The following JMJD8 variants were observed in gnomAD, a reference collection of about 807,000 sequenced individuals.
JMJD8 encodes the protein jumonji domain containing 8, also known as jmjC domain-containing protein 8.
In JMJD8, 56 loss-of-function variants were observed where a neutral mutation model predicts 37.6. The observed-to-expected ratio is 1.49, with a 90% CI of 1.20 to 1.86. JMJD8 has a LOEUF of 1.86. Among genes scored for constraint, JMJD8 ranks in the 40% most tolerant of loss-of-function variants. JMJD8 has a pLI of 0.00. For missense variants in JMJD8, 542 were observed against 362.7 expected (o/e 1.49, Z -4.01); for synonymous variants, 261 against 163.7 (o/e 1.59, Z -4.54).
At position 682,404 on chromosome 16, in the gene JMJD8, C is replaced by T. The variant is rs760147998; in HGVS notation, c.*390G>A. ...GACCCCGTGACCCGGAGCCCCCTGA[C>T]CCAGGAACAGCTCATCCCCAACTTG... is the stretch of plus-strand genomic sequence containing the variant. On this transcript the variant is annotated 3_prime_UTR_variant, in exon 9 of 9. Coordinates refer to ENST00000609261, the MANE Select transcript of JMJD8 (RefSeq NM_001005920.4). 1.2e-6 allele frequency: 2 copies of T among 1,613,248 alleles called. No homozygotes were observed. The highest frequency in any genetic ancestry group is 1.3e-5 in the African/African-American group (1 of 74,940).
At position 683,677 on chromosome 16, in the gene JMJD8, CCG is replaced by C. The variant is rs2151511148; in HGVS notation, c.322+6_322+7del. 6.3e-7 allele frequency: 1 copy of C among 1,596,004 alleles called. No homozygotes were observed. The highest frequency in any genetic ancestry group is 8.5e-7 in the Non-Finnish European group (1 of 1,172,152). On this transcript the variant is annotated splice_donor_region_variant and intron_variant, in intron 4 of 8. Coordinates refer to ENST00000609261, the MANE Select transcript of JMJD8 (RefSeq NM_001005920.4). Reference sequence around the variant, plus strand: ...AAATGGGCGGGCCCCAGGGGTGAGGCCGCGTACCTTTGTGGTAGGAGTAGGTG... The same window carrying C: ...AAATGGGCGGGCCCCAGGGGTGAGGCCGTACCTTTGTGGTAGGAGTAGGTG...
In JMJD8 at chr16:681,781, G is replaced by A. The variant is rs773470963; in HGVS notation, c.*1013C>T. The A allele has an allele frequency of 8.2e-6, 13 of 1,586,910 alleles. No homozygotes were observed. The highest frequency in any genetic ancestry group is 4.5e-5 in the South Asian group (4 of 88,550). Reference sequence around the variant, plus strand: ...CAGGTCCATCTCTGACCGGCTCCTGGTCAACCCCCAGGGAGCTGGAAGAGT... The same window carrying A: ...CAGGTCCATCTCTGACCGGCTCCTGATCAACCCCCAGGGAGCTGGAAGAGT... On this transcript the variant is annotated 3_prime_UTR_variant, in exon 9 of 9. Coordinates refer to ENST00000609261, the MANE Select transcript of JMJD8 (RefSeq NM_001005920.4).
chr16:683,055 T>C lies in JMJD8; in HGVS notation c.612A>G (p.Pro204=). The C allele has an allele frequency of 1.2e-6, 2 of 1,613,594 alleles. No homozygotes were observed. The highest frequency in any genetic ancestry group is 1.7e-6 in the Non-Finnish European group (2 of 1,179,868). Residue 204 remains proline (P), a synonymous_variant, in exon 8 of 9, where the codon CCA becomes CCG. Transcript: ENST00000609261. The part of the protein sequence containing the change: ...RWFLYPPEKT[P]EFHPNKTTLA... ...GCGTGGTCTTGTTGGGGTGGAACTC[T>C]GGCGTCTTCTCAGGTGGGTAAAGGA... is the stretch of plus-strand genomic sequence containing the variant.
rs1319513645 is a variant in JMJD8, at chr16:682,080, AGTGT to A, written c.*710_*713del. 2 of 1,582,032 alleles carry A rather than the reference AGTGT, an allele frequency of 1.3e-6. No homozygotes were observed. The highest frequency in any genetic ancestry group is 1.3e-5 in the African/African-American group (1 of 74,442). ...TCAGGTGGATGAGAAGAGGAAGGTG[AGTGT>A]GTGTCGCTTGCTGCCGATGGCTGGC... On this transcript the variant is annotated 3_prime_UTR_variant, in exon 9 of 9. Transcript: ENST00000609261.
rs920041694 is a variant in JMJD8 at position 682,526 on chromosome 16, G to A, written c.*268C>T. The A allele has an allele frequency of 5.6e-6, 9 of 1,611,426 alleles. No individual in the cohort carries two copies. Among genetic ancestry groups the A allele is most frequent in the Non-Finnish European group, 6.8e-6 (8 of 1,179,164 alleles). On this transcript the variant is annotated 3_prime_UTR_variant, in exon 9 of 9. Coordinates refer to ENST00000609261, the MANE Select transcript of JMJD8 (RefSeq NM_001005920.4). ...CTACCTGGCGTCCTGGTCCAGGGGA[G>A]CCCTGGGCAGAAGCCCCCGGCCCCT...
chr16:681,998 C>T lies in JMJD8; in HGVS notation c.*796G>A. On this transcript the variant is annotated 3_prime_UTR_variant, in exon 9 of 9. Transcript: ENST00000609261. ...AGGGAGGTGGGGTGTCTCCCCCAAG[C>T]ACAGCACTCAACTCTTCACAGGACA... 4.3e-6 allele frequency: 7 copies of T among 1,611,404 alleles called. No individual in the cohort carries two copies. Among genetic ancestry groups the T allele is most frequent in the Non-Finnish European group, 5.9e-6 (7 of 1,178,300 alleles).
Position 684,165 on chromosome 16 carries a change from C to A in JMJD8, c.87-10G>T. Reference sequence around the variant, plus strand: ...CGGCCCGCCCGGGCGCCTGCGGGCACAGCTGGGTCAGCCCGCGCCCCGCCC... The same window carrying A: ...CGGCCCGCCCGGGCGCCTGCGGGCAAAGCTGGGTCAGCCCGCGCCCCGCCC... On this transcript the variant is annotated splice_polypyrimidine_tract_variant and intron_variant, in intron 1 of 8. Coordinates refer to ENST00000609261, the MANE Select transcript of JMJD8 (RefSeq NM_001005920.4). 7.2e-7 allele frequency: 1 copy of A among 1,397,240 alleles called. No homozygotes were observed. Among genetic ancestry groups the A allele is most frequent in the Non-Finnish European group, 9.2e-7 (1 of 1,084,354 alleles). 86.6% of individuals were successfully genotyped at this position (1,397,240 alleles called of 1,614,324 possible). A position where few individuals can be genotyped will look rare whatever the true frequency, so the allele number is the denominator to read the frequency against.
intron 6 of JMJD8, 41 bp from the exon 7 acceptor site, chr16:683,275 C>T (rs2039765336): frequency 3.1e-6 from 5 of 1,612,766 alleles, no homozygotes; most frequent in Non-Finnish European, 3.4e-6. Flanking sequence ...CCATTTTGTA[C>T]TCACCGACAG....
At position 682,878 on chromosome 16, in the gene JMJD8, GT is replaced by G; in HGVS notation, c.715-5del. 6.2e-7 allele frequency: 1 copy of G among 1,613,018 alleles called. No individual in the cohort carries two copies. Among genetic ancestry groups the G allele is most frequent in the Non-Finnish European group, 8.5e-7 (1 of 1,179,858 alleles). ...AGCGGTCGGGGAAGTACAGCACCTG[GT>G]GGAGGAAGGGGGTGCAGCAGAGATT... On this transcript the variant is annotated splice_polypyrimidine_tract_variant and splice_region_variant and intron_variant, in intron 8 of 8. Coordinates refer to ENST00000609261, the MANE Select transcript of JMJD8 (RefSeq NM_001005920.4).
chr16:683,325 C>T lies in JMJD8; in HGVS notation c.508G>A (p.Ala170Thr), dbSNP rs375720166. 152 of 1,593,006 alleles carry T rather than the reference C, an allele frequency of 9.5e-5. No homozygotes were observed. The highest frequency in any genetic ancestry group is 1.2e-4 in the Non-Finnish European group (146 of 1,169,504). Reference sequence around the variant, plus strand: ...CCCAGTCCCAAGAAGCACCCACCTGCGATTCCAAAGCTGTAAGCTGGAGCG... The same window carrying T: ...CCCAGTCCCAAGAAGCACCCACCTGTGATTCCAAAGCTGTAAGCTGGAGCG... Reference protein sequence around the residue: ...GTAPAYSFGIAGAGSGVPFHW... With the variant: ...GTAPAYSFGITGAGSGVPFHW... Residue 170 changes from alanine (A) to threonine (T), a missense_variant, in exon 6 of 9, where the codon GCA becomes ACA. Ala to Thr is a moderately conservative substitution (Grantham distance 58). Coordinates refer to ENST00000609261, the MANE Select transcript of JMJD8 (RefSeq NM_001005920.4).
rs1452822820 is a variant in JMJD8 at position 684,134 on chromosome 16, G to C, written c.108C>G (p.Ala36=). The part of the protein sequence containing the change: ...DGGWRPGGPG[A]VAEEERCTVE... ...CCGTGCAGCGCTCCTCCTCCGCCAC[G>C]GCCCCCGGCCCGCCCGGGCGCCTGC... Residue 36 remains alanine (A), a synonymous_variant, in exon 2 of 9, where the codon GCC becomes GCG. Coordinates refer to ENST00000609261, the MANE Select transcript of JMJD8 (RefSeq NM_001005920.4). 4.0e-5 allele frequency: 60 copies of C among 1,501,858 alleles called. No homozygotes were observed. In the Admixed American group the frequency reaches 1.2e-3, roughly 30 times the overall value. The allele number at this position is 1,501,858 out of a possible 1,614,324, so 93.0% of individuals were successfully genotyped here.
rs1176114314 is a variant in JMJD8 at position 683,369 on chromosome 16, G to C, written c.464C>G (p.Pro155Arg). ...ASLFRHYSPP[P>R]FGLLGTAPAY... ...TGGAGCGGTTCCCAGCAGGCCAAAT[G>C]GGGGTGGGGAGTAGTGCCGAAAGAG... Residue 155 changes from proline (P) to arginine (R), a missense_variant, in exon 6 of 9, where the codon CCA becomes CGA. Transcript: ENST00000609261. 6.4e-7 allele frequency: 1 copy of C among 1,560,080 alleles called. No individual in the cohort carries two copies. Among genetic ancestry groups the C allele is most frequent in the East Asian group, 2.4e-5 (1 of 41,490 alleles).
In JMJD8 at chr16:683,335, G is replaced by A. The variant is rs775963432; in HGVS notation, c.498C>T (p.Ser166=). 2.7e-5 allele frequency: 43 copies of A among 1,584,174 alleles called. No individual in the cohort carries two copies. Among genetic ancestry groups the A allele is most frequent in the South Asian group, 4.6e-5 (4 of 87,904 alleles). Residue 166 remains serine (S), a synonymous_variant, in exon 6 of 9, where the codon AGC becomes AGT. Coordinates refer to ENST00000609261, the MANE Select transcript of JMJD8 (RefSeq NM_001005920.4). ...AGAAGCACCCACCTGCGATTCCAAAGCTGTAAGCTGGAGCGGTTCCCAGCA... is the reference window on the plus strand; with the variant it reads ...AGAAGCACCCACCTGCGATTCCAAAACTGTAAGCTGGAGCGGTTCCCAGCA... ...FGLLGTAPAY[S]FGIAGAGSGV...
chr16:682,486 C>T lies in JMJD8; in HGVS notation c.*308G>A, dbSNP rs1194315120. ...CTGAGAATGGCTGGGTGGAGGACTA[C>T]TGAGGTTCCCTGCCCTACCTGGCGT... On this transcript the variant is annotated 3_prime_UTR_variant, in exon 9 of 9. Transcript: ENST00000609261. The T allele has an allele frequency of 1.2e-6, 2 of 1,613,126 alleles. No individual in the cohort carries two copies. The highest frequency in any genetic ancestry group is 1.7e-6 in the Non-Finnish European group (2 of 1,180,010).
In JMJD8 at chr16:683,209, G is replaced by C. The variant is rs1401139629; in HGVS notation, c.537C>G (p.His179Gln). 6 of 1,613,100 alleles carry C rather than the reference G, an allele frequency of 3.7e-6. No homozygotes were observed. The African/African-American group carries it at 8.0e-5, about 22-fold the overall frequency. ...IAGAGSGVPFHWHGPGYSEVI... is the reference protein window; with the variant it reads ...IAGAGSGVPFQWHGPGYSEVI... ...CTTCTGAGTACCCGGGTCCATGCCA[G>C]TGGAAGGGCACCCCCGAGCCAGCTC... The change falls in exon 7 of 9, where the codon CAC becomes CAG. Residue 179 changes from histidine to glutamine, a missense_variant. Coordinates refer to ENST00000609261, the MANE Select transcript of JMJD8 (RefSeq NM_001005920.4).
chr16:682,099 C>T lies in JMJD8; in HGVS notation c.*695G>A, dbSNP rs377299643. On this transcript the variant is annotated 3_prime_UTR_variant, in exon 9 of 9. Coordinates refer to ENST00000609261, the MANE Select transcript of JMJD8 (RefSeq NM_001005920.4). ...AAGGTGAGTGTGTGTCGCTTGCTGC[C>T]GATGGCTGGCAGGTGCTCGTGCAGT... The T allele has an allele frequency of 1.5e-5, 23 of 1,581,602 alleles. No homozygotes were observed. Among genetic ancestry groups the T allele is most frequent in the African/African-American group, 6.7e-5 (5 of 74,438 alleles).
At position 684,091 on chromosome 16, in the gene JMJD8, G is replaced by C. The variant is rs892801931; in HGVS notation, c.151C>G (p.Leu51Val). 2.5e-6 allele frequency: 4 copies of C among 1,574,810 alleles called. No homozygotes were observed. Among genetic ancestry groups the C allele is most frequent in the Non-Finnish European group, 3.4e-6 (4 of 1,169,080 alleles). The change falls in exon 2 of 9, where the codon CTC (leucine) becomes GTC (valine). Residue 51 changes from leucine to valine, a missense_variant. Transcript: ENST00000609261. The part of the protein sequence containing the change: ...ERCTVERRAD[L>V]TYAEFVQQYA... ...TGCTGCACGAACTCCGCGTAGGTGAGGTCGGCCCGACGCTCCACCGTGCAG... is the reference window on the plus strand; with the variant it reads ...TGCTGCACGAACTCCGCGTAGGTGACGTCGGCCCGACGCTCCACCGTGCAG...
intron 8 of JMJD8, 25 bp from the exon 9 acceptor site, chr16:682,899 G>A (rs2039737184): frequency 1.9e-6 from 3 of 1,612,498 alleles, no homozygotes; most frequent in Non-Finnish European, 2.5e-6. Flanking sequence ...GGGTGCAGCA[G>A]AGATTAGCTG....
Position 682,593 on chromosome 16 carries a change from A to T in JMJD8, c.*201T>A. 6.5e-7 allele frequency: 1 copy of T among 1,528,428 alleles called. No homozygotes were observed. The allele number at this position is 1,528,428 out of a possible 1,614,324, so 94.7% of individuals were successfully genotyped here. A position where few individuals can be genotyped will look rare whatever the true frequency, so the allele number is the denominator to read the frequency against. ...CCTGGCCACCCCGACCGCTTCCCCC[A>T]AGTTCTGCTGTTGGACTCTGGACTG... is the stretch of plus-strand genomic sequence containing the variant. On this transcript the variant is annotated 3_prime_UTR_variant, in exon 9 of 9. Transcript: ENST00000609261.
Sources: gnomAD v4.1 joint callset for allele counts on GRCh38, gnomAD v4.1.1 for gene constraint, MANE v1.5 for transcripts, NCBI Gene and HGNC (gene_info 2026-07-23, HGNC 2026-07-21) for gene names.